CEACAM20: variants seen among roughly 807,000 people sequenced by gnomAD.
CEACAM20 encodes cell adhesion molecule CEACAM20.
Under a neutral mutation model 61.2 loss-of-function variants are expected in CEACAM20, and 50 were observed. The ratio of observed to expected loss-of-function variants is 0.82; its 90% CI spans 0.65 to 1.03. The LOEUF (loss-of-function observed/expected upper bound fraction) is 1.03. CEACAM20 is among the 50% of genes least tolerant of loss of function. The pLI, the probability that CEACAM20 is intolerant of heterozygous loss-of-function variation, is 0.00. For synonymous variants in CEACAM20, 282 were observed against 287.7 expected (o/e 0.98, Z 0.20); for missense variants, 683 against 736.4 (o/e 0.93, Z 0.84).
intron 1 of CEACAM20, among the ~76,000 whole-genome samples, chr19:44,529,071 TCTC>T (rs1366291654): frequency 6.6e-6 from 1 of 150,706 alleles, no homozygotes; most frequent in African/African-American, 2.4e-5. Flanking sequence ...TTCAAGTGAT[TCTC>T]CTACCTCAGC....
intron 2 of CEACAM20, 142 bp from the exon 3 acceptor site, chr19:44,524,403 G>C: frequency 2.3e-6 from 2 of 873,872 alleles, no homozygotes; most frequent in South Asian, 3.4e-5. Context: ...GGGCTTGAAT[G>C]CTGGATCTAC....
intron 3 of CEACAM20, among the ~76,000 whole-genome samples, chr19:44,523,325 C>T (rs1429525415): frequency 1.3e-5 from 2 of 152,030 alleles, no homozygotes; most frequent in Non-Finnish European, 2.9e-5. Flanking sequence ...AGGAGGATCG[C>T]TTGAGCCCAG....
At chr19:44,514,684 C>T (rs961339154) in intron 6 of CEACAM20, among the ~76,000 whole-genome samples, 1 of 151,962 alleles carries the variant, frequency 6.6e-6, no homozygotes, top group African/African-American at 2.4e-5. Context: ...GTCTCAAACT[C>T]CTGACCTCAG....
In CEACAM20 at chr19:44,529,637, C is replaced by A; in HGVS notation, c.-128G>T. 1.4e-6 allele frequency: 1 copy of A among 707,224 alleles called. No individual in the cohort carries two copies. The highest frequency in any genetic ancestry group is 2.7e-5 in the East Asian group (1 of 36,386). 43.8% of individuals were successfully genotyped at this position (707,224 alleles called of 1,614,324 possible). Reference sequence around the variant, plus strand: ...CTCCTCTCCCACCCTGCTACAAACTCACACACACACTGCAGTAACTGCAGC... The same window carrying A: ...CTCCTCTCCCACCCTGCTACAAACTAACACACACACTGCAGTAACTGCAGC... On this transcript the variant is annotated 5_prime_UTR_variant, in exon 1 of 12. Coordinates refer to ENST00000614924, the MANE Select transcript of CEACAM20 (RefSeq NM_001102597.3).
chr19:44,527,476 T>C (rs1445315071), intron 1 of CEACAM20, among the ~76,000 whole-genome samples: 7 of 152,260 alleles, frequency 4.6e-5, no homozygotes. Context: ...GTAGTAACAG[T>C]TCCAGCCTCA....
Position 44,522,950 on chromosome 19 carries a change from A to G in CEACAM20, c.473-38T>C, listed in dbSNP as rs528463074. The G allele has an allele frequency of 1.0e-4, 158 of 1,544,626 alleles. 6 individuals carry two copies. The South Asian group carries it at 1.6e-3, about 16-fold the overall frequency. On this transcript the variant is annotated intron_variant, in intron 3 of 11. Coordinates refer to ENST00000614924, the MANE Select transcript of CEACAM20 (RefSeq NM_001102597.3). ...GAACAATTACAGCAGTAACAACAGC[A>G]TCAGCAACAGGTCTCTTATGGAGGT... is the stretch of plus-strand genomic sequence containing the variant.
At chr19:44,529,395 C>A in intron 1 of CEACAM20, 63 bp downstream of exon 1, 1 of 1,222,820 alleles carries the variant, frequency 8.2e-7, no homozygotes, top group Middle Eastern at 2.0e-4. Flanking sequence ...CACACACACA[C>A]CGCTGACAAA....
intron 9 of CEACAM20, 90 bp downstream of exon 9, chr19:44,511,927 A>AAAAGATCATG (rs1366417270): frequency 7.7e-7 from 1 of 1,306,862 alleles, no homozygotes; most frequent in African/African-American, 1.5e-5. Flanking sequence ...GGGTTTTCTC[A>AAAAGATCATG]AAAGATCATG....
At chr19:44,511,613 C>T (rs1169049891) in intron 10 of CEACAM20, 24 bp downstream of exon 10, 1 of 1,609,284 alleles carries the variant, frequency 6.2e-7, no homozygotes, top group Non-Finnish European at 8.5e-7. Context: ...GATTCTTTAA[C>T]CAAACCCAGC....
chr19:44,526,307 G>A (rs1455638891), intron 1 of CEACAM20, among the ~76,000 whole-genome samples: 1 of 151,954 alleles, frequency 6.6e-6, no homozygotes, highest in Non-Finnish European at 1.5e-5. Context: ...TAAGGAATTT[G>A]AGACCAGCCT....
intron 11 of CEACAM20, among the ~76,000 whole-genome samples, chr19:44,507,600 G>A (rs181835474): frequency 2.6e-4 from 39 of 152,284 alleles, no homozygotes; most frequent in Non-Finnish European, 3.8e-4. Flanking sequence ...CATTCAAGTC[G>A]CCAAGAGGCC....
intron 1 of CEACAM20, among the ~76,000 whole-genome samples, chr19:44,527,916 C>T (rs1258923082): frequency 6.6e-6 from 1 of 152,190 alleles, no homozygotes; most frequent in Non-Finnish European, 1.5e-5. Flanking sequence ...AGAAATTTCA[C>T]ATCCATCCCC....
chr19:44,506,557 A>G (rs1295695575), intron 11 of CEACAM20, among the ~76,000 whole-genome samples: 1 of 152,262 alleles, frequency 6.6e-6, no homozygotes, highest in Non-Finnish European at 1.5e-5. Context: ...GATTGCATGT[A>G]TGTGATTCTG....
In CEACAM20 at chr19:44,529,208, A is replaced by G. The variant is rs542553808; in HGVS notation, c.52+250T>C. Reference sequence around the variant, plus strand: ...TCAAACTCCTGGCCTCAAGTGATCCACCCACCTCGGCCTCCCAAAGTGCTG... The same window carrying G: ...TCAAACTCCTGGCCTCAAGTGATCCGCCCACCTCGGCCTCCCAAAGTGCTG... On this transcript the variant is annotated intron_variant, in intron 1 of 11. Coordinates refer to ENST00000614924, the MANE Select transcript of CEACAM20 (RefSeq NM_001102597.3). 4.5e-4 allele frequency among the ~76,000 whole-genome samples: 68 copies of G among 150,874 alleles called. 3 individuals are homozygous for G. The South Asian group carries it at 0.014, about 31-fold the overall frequency.
intron 5 of CEACAM20, among the ~76,000 whole-genome samples, chr19:44,518,542 C>T (rs528239587): frequency 1.3e-5 from 2 of 151,982 alleles, no homozygotes; most frequent in African/African-American, 4.8e-5. Flanking sequence ...GATTCAAGAC[C>T]AGCCTACGCA....
chr19:44,517,087 C>T lies in CEACAM20; in HGVS notation c.1168G>A (p.Glu390Lys). 6.2e-7 allele frequency: 1 copy of T among 1,610,900 alleles called. No individual in the cohort carries two copies. The highest frequency in any genetic ancestry group is 8.5e-7 in the Non-Finnish European group (1 of 1,178,666). Residue 390 changes from glutamate (E) to lysine (K), a missense_variant, in exon 6 of 12, where the codon GAA (glutamate) becomes AAA (lysine). By Grantham distance (56) the Glu-to-Lys change is moderately conservative. Coordinates refer to ENST00000614924, the MANE Select transcript of CEACAM20 (RefSeq NM_001102597.3). The part of the protein sequence containing the change: ...KPGAEYRWTL[E>K]HSTGEHLGEQ... ...CCCAGGTGCTCCCCGGTGGAGTGTT[C>T]AAGAGTCCAGCGATACTCAGCACCT...
chr19:44,512,520 C>T (rs1452790664), intron 8 of CEACAM20, among the ~76,000 whole-genome samples: 1 of 152,194 alleles, frequency 6.6e-6, no homozygotes, highest in Non-Finnish European at 1.5e-5. Flanking sequence ...ACTCGAGGCA[C>T]TCTACTGAGA....
chr19:44,518,107 G>GAAAGAAAGAAA (rs1568452831), intron 5 of CEACAM20, among the ~76,000 whole-genome samples: 5 of 40,706 alleles, frequency 1.2e-4, no homozygotes, highest in Non-Finnish European at 9.5e-5. Flanking sequence ...AGAAAGAAAG[G>GAAAGAAAGAAA]AAGGAAGGAA....
chr19:44,513,157 G>A lies in CEACAM20; in HGVS notation c.1427+15C>T. The A allele has an allele frequency of 6.3e-7, 1 of 1,588,678 alleles. No individual in the cohort carries two copies. The highest frequency in any genetic ancestry group is 1.3e-5 in the African/African-American group (1 of 74,558). On this transcript the variant is annotated intron_variant, in intron 7 of 11. Coordinates refer to ENST00000614924, the MANE Select transcript of CEACAM20 (RefSeq NM_001102597.3). ...CATCCCCATCCCCATCCCCCTCCCTGTATCCCTGTGTTACCGTCTGGCATT... is the reference window on the plus strand; with the variant it reads ...CATCCCCATCCCCATCCCCCTCCCTATATCCCTGTGTTACCGTCTGGCATT...
Sources: allele counts gnomAD v4.1 joint callset (sites outside exome capture counted in the v4.1 genomes callset), GRCh38; gene constraint gnomAD v4.1.1; transcripts MANE v1.5; gene names NCBI Gene and HGNC (gene_info 2026-07-23, HGNC 2026-07-21).